Variants in ZNF763 observed in about 807,000 individuals in gnomAD.
ZNF763 encodes the protein zinc finger protein 763.
Under a neutral mutation model 38.0 loss-of-function variants are expected in ZNF763, and 33 were observed. The observed-to-expected ratio is 0.87, with a 90% CI of 0.66 to 1.16. ZNF763 has a LOEUF of 1.16. Ranked by LOEUF, ZNF763 falls within the 50% of genes most tolerant of loss-of-function variation. The pLI is 0.00. For missense variants in ZNF763, 423 were observed against 469.1 expected (o/e 0.90, Z 0.91); for synonymous variants, 155 against 160.1 (o/e 0.97, Z 0.24).
chr19:11,976,774 G>T, intron 1 of ZNF763: 2 of 842,834 alleles, frequency 2.4e-6, no homozygotes, highest in Non-Finnish European at 3.2e-6. Flanking sequence ...GCTGAGGCAG[G>T]AGAATCGCTT....
intron 1 of ZNF763, among the ~76,000 whole-genome samples, chr19:11,965,759 C>T (rs542525648): frequency 6.6e-5 from 10 of 152,264 alleles, no homozygotes; most frequent in African/African-American, 2.4e-4. Flanking sequence ...GAGACCTTGG[C>T]AAGGGAAACA....
chr19:11,978,238 C>T lies in ZNF763; in HGVS notation c.314C>T (p.Ser105Leu). ...AAGAAAGCTTCTCCTGAAGCAAAAT[C>T]ATGTGATAACTTTGTATGTGGAGAA... ...QEKKASPEAKSCDNFVCGEVG... is the reference protein window; with the variant it reads ...QEKKASPEAKLCDNFVCGEVG... Residue 105 changes from serine to leucine, a missense_variant, in exon 4 of 4, where the codon TCA becomes TTA. Transcript: ENST00000358987. 3.1e-6 allele frequency: 5 copies of T among 1,614,040 alleles called. No homozygotes were observed. The highest frequency in any genetic ancestry group is 4.2e-6 in the Non-Finnish European group (5 of 1,179,958).
intron 1 of ZNF763, among the ~76,000 whole-genome samples, chr19:11,976,510 T>C (rs406072): frequency 0.18 from 26,272 of 146,844 alleles, 5,164 homozygotes; most frequent in African/African-American, 0.5. Context: ...AAGCCAATAT[T>C]GTGCCACTGC....
Position 11,979,848 on chromosome 19 carries a change from A to T in ZNF763, c.*739A>T, listed in dbSNP as rs1973583778. ...AGATCTGCCAAGAACCTTCGAATTC[A>T]TGAAAGGACACAAACACACGTAAGA... On this transcript the variant is annotated 3_prime_UTR_variant, in exon 4 of 4. Coordinates refer to ENST00000358987, the MANE Select transcript of ZNF763 (RefSeq NM_001367172.2). 6.6e-7 allele frequency: 1 copy of T among 1,521,678 alleles called. No individual in the cohort carries two copies. The highest frequency in any genetic ancestry group is 1.4e-5 in the African/African-American group (1 of 72,656). 94.3% of individuals were successfully genotyped at this position (1,521,678 alleles called of 1,614,324 possible).
intron 1 of ZNF763, among the ~76,000 whole-genome samples, chr19:11,972,160 C>A (rs2551849): frequency 0.035 from 5,280 of 151,816 alleles, 330 homozygotes; most frequent in African/African-American, 0.12. Flanking sequence ...TGATGTGTAC[C>A]TGTAGTCCCA....
rs754874330 is a variant in ZNF763 at position 11,978,459 on chromosome 19, A to G, written c.535A>G (p.Lys179Glu). The stretch of plus-strand genomic sequence containing the variant: ...ACCCTATGCTTGTAAAGAATGTGGA[A>G]AAACCTTTATTTCCCATTCAGGCAT... ...EKPYACKECG[K>E]TFISHSGIRR... Residue 179 changes from lysine to glutamate, a missense_variant, in exon 4 of 4, where the codon AAA (lysine) becomes GAA (glutamate). Lys to Glu is a moderately conservative substitution (Grantham distance 56). Coordinates refer to ENST00000358987, the MANE Select transcript of ZNF763 (RefSeq NM_001367172.2). The G allele has an allele frequency of 6.2e-7, 1 of 1,614,228 alleles. No individual in the cohort carries two copies. The highest frequency in any genetic ancestry group is 2.2e-5 in the East Asian group (1 of 44,890).
intron 1 of ZNF763, among the ~76,000 whole-genome samples, chr19:11,970,827 A>C (rs1973335152): frequency 6.6e-6 from 1 of 152,174 alleles, no homozygotes; most frequent in South Asian, 2.1e-4. Context: ...GCTACCTGGG[A>C]GGCTGAGGCA....
intron 1 of ZNF763, among the ~76,000 whole-genome samples, chr19:11,969,286 G>T (rs1973301979): frequency 6.6e-6 from 1 of 152,114 alleles, no homozygotes; most frequent in South Asian, 2.1e-4. Context: ...TCTATTTTTA[G>T]TAAAGACAGC....
chr19:11,979,326 G>A lies in ZNF763; in HGVS notation c.*217G>A, dbSNP rs148505116. On this transcript the variant is annotated 3_prime_UTR_variant, in exon 4 of 4. Coordinates refer to ENST00000358987, the MANE Select transcript of ZNF763 (RefSeq NM_001367172.2). ...TCAGATGTGCCCCACACCTTCGAAG[G>A]CATGGTAGGACTCACTGGAGAGAAA... 4 of 1,604,620 alleles carry A rather than the reference G, an allele frequency of 2.5e-6. No individual in the cohort carries two copies. The African/African-American group carries it at 5.5e-5, about 22-fold the overall frequency.
In ZNF763 at chr19:11,977,110, A is replaced by G. The variant is rs768737760; in HGVS notation, c.76A>G (p.Arg26Gly). 1 of 1,614,194 alleles carries G rather than the reference A, an allele frequency of 6.2e-7. No individual in the cohort carries two copies. The highest frequency in any genetic ancestry group is 8.5e-7 in the Non-Finnish European group (1 of 1,180,030). The change falls in exon 2 of 4, where the codon AGG (arginine) becomes GGG (glycine). Residue 26 changes from arginine to glycine, a missense_variant. Coordinates refer to ENST00000358987, the MANE Select transcript of ZNF763 (RefSeq NM_001367172.2). ...EEWALLDISQ[R>G]KLYREVMLET... Reference sequence around the variant, plus strand: ...GTGGGCTTTGCTGGATATTTCGCAGAGGAAACTCTACAGGGAAGTGATGCT... The same window carrying G: ...GTGGGCTTTGCTGGATATTTCGCAGGGGAAACTCTACAGGGAAGTGATGCT...
In ZNF763 at chr19:11,980,392, A is replaced by AT. The variant is rs1973594851; in HGVS notation, c.*1283_*1284insT. The AT allele has an allele frequency of 6.0e-6, 1 of 165,802 alleles. No individual in the cohort carries two copies. Among genetic ancestry groups the AT allele is most frequent in the Non-Finnish European group, 1.3e-5 (1 of 77,430 alleles). 10.3% of individuals were successfully genotyped at this position (165,802 alleles called of 1,614,324 possible). On this transcript the variant is annotated 3_prime_UTR_variant, in exon 4 of 4. Coordinates refer to ENST00000358987, the MANE Select transcript of ZNF763 (RefSeq NM_001367172.2). ...GCAAAACTCCGTCTCAAAAAAAAAA[A>AT]AAAAAAAGACTTGGCCTTGTGGTGA...
In ZNF763 at chr19:11,977,123, G is replaced by A. The variant is rs750152556; in HGVS notation, c.89G>A (p.Arg30Lys). 6.2e-7 allele frequency: 1 copy of A among 1,614,130 alleles called. No individual in the cohort carries two copies. The highest frequency in any genetic ancestry group is 8.5e-7 in the Non-Finnish European group (1 of 1,180,020). The change falls in exon 2 of 4, where the codon AGG becomes AAG. Residue 30 changes from arginine to lysine, a missense_variant. Physicochemically the swap from Arg to Lys is conservative, Grantham distance 26 (BLOSUM62 2). Transcript: ENST00000358987. ...GATATTTCGCAGAGGAAACTCTACA[G>A]GGAAGTGATGCTGGAAACTTTCAGG... ...LLDISQRKLY[R>K]EVMLETFRNL...
chr19:11,978,058 C>G, intron 3 of ZNF763, 58 bp from the exon 4 acceptor site: 2 of 1,573,462 alleles, frequency 1.3e-6, no homozygotes, highest in Admixed American at 2.1e-5. Context: ...AAGTGCAATA[C>G]TTGATTAATA....
chr19:11,974,174 CCTTCTTT>C (rs1973432026), intron 1 of ZNF763, among the ~76,000 whole-genome samples: 1 of 99,266 alleles, frequency 1.0e-5, no homozygotes, highest in Admixed American at 1.2e-4. Flanking sequence ...TTCCTTCCTT[CCTTCTTT>C]CTTTCTTTCT....
In ZNF763 at chr19:11,978,431, G is replaced by A. The variant is rs1170982178; in HGVS notation, c.507G>A (p.Glu169=). 1.2e-6 allele frequency: 2 copies of A among 1,614,154 alleles called. No individual in the cohort carries two copies. Among genetic ancestry groups the A allele is most frequent in the African/African-American group, 1.3e-5 (1 of 75,040 alleles). ...CACAAGAAAGGAATCACACCGGAGA[G>A]AAACCCTATGCTTGTAAAGAATGTG... ...FRTQERNHTG[E]KPYACKECGK... The change falls in exon 4 of 4, where the codon GAG becomes GAA. Residue 169 remains glutamate, a synonymous_variant. Transcript: ENST00000358987.
chr19:11,971,666 A>G (rs1289085353), intron 1 of ZNF763, among the ~76,000 whole-genome samples: 1 of 152,216 alleles, frequency 6.6e-6, no homozygotes, highest in Non-Finnish European at 1.5e-5. Context: ...ACATTTTTCC[A>G]TTTATTGCAT....
chr19:11,972,266 C>G (rs2145332418), intron 1 of ZNF763, among the ~76,000 whole-genome samples: 2 of 149,662 alleles, frequency 1.3e-5, no homozygotes, highest in African/African-American at 4.9e-5. Context: ...GCCTGGGCAA[C>G]AGAATGAGCC....
intron 1 of ZNF763, among the ~76,000 whole-genome samples, chr19:11,966,089 T>C (rs1323609089): frequency 6.6e-6 from 1 of 152,214 alleles, no homozygotes; most frequent in Non-Finnish European, 1.5e-5. Flanking sequence ...TTTCTCGAGA[T>C]TTTATGAATT....
intron 3 of ZNF763, 103 bp downstream of exon 3, chr19:11,977,534 A>G (rs1281631148): frequency 7.2e-7 from 1 of 1,379,548 alleles, no homozygotes; most frequent in Non-Finnish European, 1.0e-6. Context: ...TATCAAATTC[A>G]TCTCTTCTTA....
Sources: gnomAD v4.1 joint callset for allele counts (sites outside exome capture counted in the v4.1 genomes callset) on GRCh38, gnomAD v4.1.1 for gene constraint, MANE v1.5 for transcripts, NCBI Gene and HGNC (gene_info 2026-07-23, HGNC 2026-07-21) for gene names.